RBL2: variants seen among roughly 807,000 people sequenced by gnomAD.
The protein encoded by RBL2 is retinoblastoma-like protein 2.
A neutral mutation model predicts 126.0 loss-of-function variants in RBL2; 56 were observed. The ratio of observed to expected loss-of-function variants is 0.44; its 90% CI spans 0.36 to 0.56. The LOEUF (loss-of-function observed/expected upper bound fraction) is 0.56. Among genes scored for constraint, RBL2 ranks in the 20% least tolerant of loss-of-function variants. The probability of loss-of-function intolerance (pLI) is 0.00; values close to 1 mark genes in which losing one functional copy is unlikely to be tolerated. For missense variants in RBL2, 1,229 were observed against 1,398.2 expected (o/e 0.88, Z 1.93); for synonymous variants, 454 against 478.5 (o/e 0.95, Z 0.67).
At chr16:53,439,928 T>C (rs966634304) in intron 2 of RBL2, among the ~76,000 whole-genome samples, 4 of 130,300 alleles carry the variant, frequency 3.1e-5, no homozygotes, top group African/African-American at 1.2e-4. Context: ...CACTCCAGCC[T>C]GGGCCACAGA....
Position 53,442,815 on chromosome 16 carries a change from C to T in RBL2, c.529C>T (p.Pro177Ser), listed in dbSNP as rs749592025. 5.6e-6 allele frequency: 9 copies of T among 1,613,250 alleles called. No homozygotes were observed. Among genetic ancestry groups the T allele is most frequent in the Non-Finnish European group, 4.2e-6 (5 of 1,179,596 alleles). ...CATTTTTCAGGACATCTTTAAATAC[C>T]CTCAAGAGGAGCAACCTCGTCAGCA... ...EPIFQDIFKY[P>S]QEEQPRQQRG... is the part of the protein sequence containing the mutation. Residue 177 changes from proline (P) to serine (S), a missense_variant, in exon 3 of 22, where the codon CCT becomes TCT. Pro to Ser is a moderately conservative substitution (Grantham distance 74). Coordinates refer to ENST00000262133, the MANE Select transcript of RBL2 (RefSeq NM_005611.4).
At chr16:53,454,895 GTTCT>G in intron 8 of RBL2, 53 bp downstream of exon 8, 1 of 1,418,142 alleles carries the variant, frequency 7.1e-7, no homozygotes, top group Non-Finnish European at 9.3e-7. Context: ...TAAGCCAGGG[GTTCT>G]TTTTTATTTT....
chr16:53,458,387 A>G (rs1346398567), intron 8 of RBL2, among the ~76,000 whole-genome samples: 1 of 152,244 alleles, frequency 6.6e-6, no homozygotes, highest in East Asian at 1.9e-4. Flanking sequence ...ACCAAGTCAC[A>G]TCTTCTCCAT....
At chr16:53,457,297 T>C (rs2058179378) in intron 8 of RBL2, among the ~76,000 whole-genome samples, 1 of 139,988 alleles carries the variant, frequency 7.1e-6, no homozygotes, top group African/African-American at 2.9e-5. Context: ...TCTCGCTCTG[T>C]CACCCAGGCT....
intron 21 of RBL2, chr16:53,489,783 T>C (rs759560937): frequency 5.8e-6 from 1 of 171,556 alleles, no homozygotes; most frequent in African/African-American, 2.4e-5. Context: ...GAGAAAAAGA[T>C]GTGTCTAAGT....
Position 53,481,566 on chromosome 16 carries a change from T to C in RBL2, c.3085-105T>C, listed in dbSNP as rs575509222. ...TATTGCTAATACATCACTCTGTCAT[T>C]CATAAAACTACTGGTTTAGCACACC... On this transcript the variant is annotated intron_variant, in intron 20 of 21. Coordinates refer to ENST00000262133, the MANE Select transcript of RBL2 (RefSeq NM_005611.4). 1.1e-3 allele frequency: 1,108 copies of C among 1,037,492 alleles called. 2 individuals carry two copies. The highest frequency in any genetic ancestry group is 1.4e-3 in the Non-Finnish European group (1,007 of 740,476). 64.3% of individuals were successfully genotyped at this position (1,037,492 alleles called of 1,614,324 possible).
Position 53,439,260 on chromosome 16 carries a change from G to A in RBL2, c.371+114G>A, listed in dbSNP as rs141668815. 346 of 942,950 alleles carry A rather than the reference G, an allele frequency of 3.7e-4. No homozygotes were observed. In the African/African-American group the frequency reaches 5.3e-3, roughly 15 times the overall value. 58.4% of individuals were successfully genotyped at this position (942,950 alleles called of 1,614,324 possible). A position where few individuals can be genotyped will look rare whatever the true frequency, so the allele number is the denominator to read the frequency against. ...TTCTGAGCATTTGTACCTGTGGACT[G>A]GTGAAATTAGATGCTAAAACTAGCA... On this transcript the variant is annotated intron_variant, in intron 2 of 21. Transcript: ENST00000262133.
intron 3 of RBL2, 23 bp from the exon 4 acceptor site, chr16:53,447,019 C>CA: frequency 7.5e-7 from 1 of 1,334,816 alleles, no homozygotes; most frequent in Non-Finnish European, 1.0e-6. Flanking sequence ...TGTCTCATGA[C>CA]TTTTTTTTTT....
Position 53,453,499 on chromosome 16 carries a change from C to G in RBL2, c.814C>G (p.Pro272Ala). Residue 272 changes from proline to alanine, a missense_variant, in exon 6 of 22, where the codon CCC becomes GCC. Coordinates refer to ENST00000262133, the MANE Select transcript of RBL2 (RefSeq NM_005611.4). ...HAKDSKPSSD[P>A]PCIIEKLCSL... Reference sequence around the variant, plus strand: ...TAAAGATTCTAAACCTTCCTCTGACCCCCCTTGTATCATTGAGAAACTGTG... The same window carrying G: ...TAAAGATTCTAAACCTTCCTCTGACGCCCCTTGTATCATTGAGAAACTGTG... 2 of 1,612,962 alleles carry G rather than the reference C, an allele frequency of 1.2e-6. No homozygotes were observed. Among genetic ancestry groups the G allele is most frequent in the East Asian group, 4.5e-5 (2 of 44,788 alleles).
chr16:53,438,598 C>G (rs1220514690), intron 1 of RBL2, among the ~76,000 whole-genome samples: 2 of 152,006 alleles, frequency 1.3e-5, no homozygotes, highest in Non-Finnish European at 2.9e-5. Flanking sequence ...AATCCCAGCA[C>G]TTTGGAAGGC....
intron 9 of RBL2, among the ~76,000 whole-genome samples, chr16:53,460,271 A>AT: frequency 1.3e-5 from 2 of 152,348 alleles, no homozygotes; most frequent in East Asian, 3.9e-4. Context: ...AAACCTTATG[A>AT]TATGATAACG....
At chr16:53,450,395 T>C (rs1192818253) in intron 4 of RBL2, among the ~76,000 whole-genome samples, 1 of 152,100 alleles carries the variant, frequency 6.6e-6, no homozygotes, top group African/African-American at 2.4e-5. Context: ...AAGTGTGAAA[T>C]GCTGAGGTTT....
chr16:53,478,122 T>G (rs1470642504), intron 17 of RBL2, among the ~76,000 whole-genome samples: 2 of 152,234 alleles, frequency 1.3e-5, no homozygotes, highest in African/African-American at 4.8e-5. Context: ...ATTCTTAGTT[T>G]AATATTTTTT....
chr16:53,479,014 C>A (rs1162768227), intron 17 of RBL2, 140 bp from the exon 18 acceptor site: 2 of 660,160 alleles, frequency 3.0e-6, no homozygotes, highest in African/African-American at 1.8e-5. Context: ...TTGCTATATG[C>A]CGTTAATACC....
chr16:53,480,117 C>A, intron 19 of RBL2, 126 bp downstream of exon 19: 1 of 663,960 alleles, frequency 1.5e-6, no homozygotes, highest in Non-Finnish European at 2.5e-6. Context: ...TTTTATAGAT[C>A]AGTAAACCAT....
intron 1 of RBL2, 71 bp downstream of exon 1, chr16:53,434,867 C>G: frequency 7.1e-7 from 1 of 1,404,900 alleles, no homozygotes; most frequent in South Asian, 1.5e-5. Flanking sequence ...CCGCGTCGCG[C>G]GCCTCGAGAG....
At chr16:53,473,113 T>C (rs1375646933) in intron 17 of RBL2, among the ~76,000 whole-genome samples, 1 of 152,218 alleles carries the variant, frequency 6.6e-6, no homozygotes, top group Admixed American at 6.5e-5. Flanking sequence ...TGCTTTCTTA[T>C]AAGTTTTGAA....
intron 4 of RBL2, chr16:53,448,822 ACTAGCTG>A (rs2058087935): frequency 6.6e-6 from 1 of 152,178 alleles, no homozygotes; most frequent in African/African-American, 2.4e-5. Context: ...GAGCCCAGAA[ACTAGCTG>A]CTGGGAACAA....
At chr16:53,482,725 G>A (rs931788532) in intron 21 of RBL2, among the ~76,000 whole-genome samples, 3 of 151,174 alleles carry the variant, frequency 2.0e-5, no homozygotes, top group East Asian at 3.9e-4. Context: ...CAGGAAAATA[G>A]CTTGAACCCA....
Sources: allele counts gnomAD v4.1 joint callset (sites outside exome capture counted in the v4.1 genomes callset), GRCh38; gene constraint gnomAD v4.1.1; transcripts MANE v1.5; gene names NCBI Gene and HGNC (gene_info 2026-07-23, HGNC 2026-07-21).